The following ABCG1 variants were observed in gnomAD, a reference collection of about 807,000 sequenced individuals.
ABCG1 encodes the protein ATP binding cassette subfamily G member 1.
ABCG1 carries 29 observed loss-of-function variants against 69.2 expected under a neutral mutation model. The observed-to-expected ratio is 0.42, with a 90% CI of 0.31 to 0.57. The LOEUF (loss-of-function observed/expected upper bound fraction) is 0.57, where lower values mean the gene tolerates loss of function less well. Among genes scored for constraint, ABCG1 ranks in the 20% least tolerant of loss-of-function variants. ABCG1 has a pLI of 0.15. For missense variants in ABCG1, 718 were observed against 898.1 expected (o/e 0.80, Z 2.56); for synonymous variants, 370 against 374.8 (o/e 0.99, Z 0.15).
chr21:42,290,925 TG>T (rs2069045343), intron 11 of ABCG1, among the ~76,000 whole-genome samples, 166 bp from the exon 12 acceptor site: 1 of 152,156 alleles, frequency 6.6e-6, no homozygotes, highest in Non-Finnish European at 1.5e-5. Flanking sequence ...TGCAAACGGG[TG>T]GCGTTTTTCA....
rs957865372 is a variant in ABCG1, at chr21:42,261,174, G to A, written c.287-9896G>A. Among the ~76,000 whole-genome samples, 9 of 152,032 alleles carry A rather than the reference G, an allele frequency of 5.9e-5. No individual in the cohort carries two copies. The South Asian group carries it at 8.3e-4, about 14-fold the overall frequency. Reference sequence around the variant, plus strand: ...TCTTCTAGTACGGTGAGGTGGGGGCGGGTGCTCTTGTCCTCCTTCCCCCTC... The same window carrying A: ...TCTTCTAGTACGGTGAGGTGGGGGCAGGTGCTCTTGTCCTCCTTCCCCCTC... On this transcript the variant is annotated intron_variant, in intron 2 of 14. Transcript: ENST00000398449.
At chr21:42,275,870 G>A (rs1030348801) in intron 4 of ABCG1, among the ~76,000 whole-genome samples, 16 of 152,246 alleles carry the variant, frequency 1.1e-4, no homozygotes, top group African/African-American at 3.9e-4. Context: ...AGACACAGTT[G>A]TGCATGTTTA....
chr21:42,284,320 C>T lies in ABCG1; in HGVS notation c.735-240C>T, dbSNP rs551205619. On this transcript the variant is annotated intron_variant, in intron 6 of 14. Transcript: ENST00000398449. ...AGTCCTGGACTCTGGCAGCAAGGCTCGCTGGGGTCCCTCCGTTCTTACCAG... is the reference window on the plus strand; with the variant it reads ...AGTCCTGGACTCTGGCAGCAAGGCTTGCTGGGGTCCCTCCGTTCTTACCAG... Among the ~76,000 whole-genome samples the T allele has an allele frequency of 4.6e-3, 697 of 151,698 alleles. 7 individuals are homozygous for T. The highest frequency in any genetic ancestry group is 0.016 in the African/African-American group (656 of 40,986).
intron 5 of ABCG1, among the ~76,000 whole-genome samples, chr21:42,279,598 G>A (rs185805312): frequency 3.3e-5 from 5 of 152,310 alleles, no homozygotes; most frequent in Admixed American, 3.3e-4. Flanking sequence ...TTTCTTTAAG[G>A]TCTCTGAGCT....
chr21:42,235,778 A>G (rs1314152420), intron 2 of ABCG1, among the ~76,000 whole-genome samples: 1 of 152,136 alleles, frequency 6.6e-6, no homozygotes, highest in Non-Finnish European at 1.5e-5. Flanking sequence ...ATCAGACTTA[A>G]GGTCTGTGTT....
intron 2 of ABCG1, among the ~76,000 whole-genome samples, chr21:42,261,638 A>T (rs1177173591): frequency 6.6e-6 from 1 of 152,174 alleles, no homozygotes; most frequent in Non-Finnish European, 1.5e-5. Context: ...CTGGCTTGGA[A>T]GAGGAATGTC....
intron 2 of ABCG1, among the ~76,000 whole-genome samples, chr21:42,261,197 C>T (rs1391982101): frequency 6.6e-6 from 1 of 151,774 alleles, no homozygotes; most frequent in Non-Finnish European, 1.5e-5. Flanking sequence ...CTCCTTCCCC[C>T]TCTCCACCAC....
rs1006791334 is a variant in ABCG1, at chr21:42,296,087, T to G, written c.1773-77T>G. 4.0e-6 allele frequency: 5 copies of G among 1,259,822 alleles called. No individual in the cohort carries two copies. The highest frequency in any genetic ancestry group is 5.8e-6 in the Non-Finnish European group (5 of 863,952). The allele number at this position is 1,259,822 out of a possible 1,614,324, so 78.0% of individuals were successfully genotyped here. A position where few individuals can be genotyped will look rare whatever the true frequency, so the allele number is the denominator to read the frequency against. On this transcript the variant is annotated intron_variant, in intron 14 of 14. Coordinates refer to ENST00000398449, the MANE Select transcript of ABCG1 (RefSeq NM_016818.3). This position sits in a 1 kb window ranked among gnomAD's most constrained non-coding sequence, Gnocchi z 5.4. The stretch of plus-strand genomic sequence containing the variant: ...GCCAAGCTGGGAATCGCAGGGAGGG[T>G]GAACGACATTGACCTTCAGCCAACG...
rs141408992 is a variant in ABCG1, at chr21:42,223,956, C to G, written c.43-1715C>G. ...GCAGATGTTGCGTGGCAGCTGGCCT[C>G]CTGGGGTGGAGGTGGAGAGGACCCA... On this transcript the variant is annotated intron_variant, in intron 1 of 14. Transcript: ENST00000398449. 3.7e-4 allele frequency among the ~76,000 whole-genome samples: 56 copies of G among 152,258 alleles called. No homozygotes were observed. In the East Asian group the frequency reaches 0.011, roughly 29 times the overall value.
At chr21:42,248,485 C>T (rs1026259464) in intron 2 of ABCG1, among the ~76,000 whole-genome samples, 9 of 152,192 alleles carry the variant, frequency 5.9e-5, no homozygotes, top group African/African-American at 1.9e-4. Context: ...TGAAGATACG[C>T]ACCCTCTGTG....
rs752440795 is a variant in ABCG1, at chr21:42,276,938, G to A, written c.581G>A (p.Arg194Lys). Reference protein sequence around the residue: ...LKLQEKDEGRREMVKEILTAL... With the variant: ...LKLQEKDEGRKEMVKEILTAL... ...CTTCAGGAGAAGGATGAAGGCAGAAGGGAAATGGTAAGTGGGTTGTTTGGT... is the reference window on the plus strand; with the variant it reads ...CTTCAGGAGAAGGATGAAGGCAGAAAGGAAATGGTAAGTGGGTTGTTTGGT... The change falls in exon 5 of 15, where the codon AGG becomes AAG. Residue 194 changes from arginine (R) to lysine (K), a missense_variant. Physicochemically the swap from Arg to Lys is conservative, Grantham distance 26. Coordinates refer to ENST00000398449, the MANE Select transcript of ABCG1 (RefSeq NM_016818.3). This position sits in a 1 kb window ranked among gnomAD's most constrained non-coding sequence, Gnocchi z 5.3. 6.2e-7 allele frequency: 1 copy of A among 1,614,218 alleles called. No homozygotes were observed. The highest frequency in any genetic ancestry group is 1.1e-5 in the South Asian group (1 of 91,076).
intron 2 of ABCG1, among the ~76,000 whole-genome samples, chr21:42,260,444 G>C (rs1490511635): frequency 6.6e-6 from 1 of 152,144 alleles, no homozygotes; most frequent in African/African-American, 2.4e-5. Context: ...GATTTTGTTT[G>C]GGTTCTTTTG....
rs549072727 is a variant in ABCG1, at chr21:42,228,630, C to T, written c.286+2716C>T. ...CAATTTCTAGCTCTGTGCACTCCGA[C>T]ACAGTGGCCATGCCTTGTCTAGCAC... is the stretch of plus-strand genomic sequence containing the variant. On this transcript the variant is annotated intron_variant, in intron 2 of 14. Coordinates refer to ENST00000398449, the MANE Select transcript of ABCG1 (RefSeq NM_016818.3). 3.3e-5 allele frequency among the ~76,000 whole-genome samples: 5 copies of T among 152,348 alleles called. No individual in the cohort carries two copies. In the East Asian group the frequency reaches 5.8e-4, roughly 18 times the overall value.
intron 4 of ABCG1, among the ~76,000 whole-genome samples, chr21:42,274,028 G>A (rs910441364): frequency 2.0e-5 from 3 of 152,240 alleles, no homozygotes; most frequent in Non-Finnish European, 2.9e-5. Flanking sequence ...CAGGAGCCCA[G>A]GGTCACACGG....
Position 42,287,835 on chromosome 21 carries a change from G to A in ABCG1, c.974-54G>A, listed in dbSNP as rs2068972023. 2 of 1,498,914 alleles carry A rather than the reference G, an allele frequency of 1.3e-6. No individual in the cohort carries two copies. Among genetic ancestry groups the A allele is most frequent in the Non-Finnish European group, 8.9e-7 (1 of 1,118,352 alleles). 92.9% of individuals were successfully genotyped at this position (1,498,914 alleles called of 1,614,324 possible). On this transcript the variant is annotated intron_variant, in intron 8 of 14. Coordinates refer to ENST00000398449, the MANE Select transcript of ABCG1 (RefSeq NM_016818.3). This position sits in a 1 kb window ranked among gnomAD's most constrained non-coding sequence, Gnocchi z 6.2. ...TGAATAACGACTTTCGCATTTGGGT[G>A]GTTGGGGTGTCCTTCCTGGAGCCCG...
intron 3 of ABCG1, among the ~76,000 whole-genome samples, chr21:42,272,512 G>A (rs550440813): frequency 3.9e-5 from 6 of 152,246 alleles, no homozygotes; most frequent in South Asian, 2.1e-4. Context: ...ATTAGTCTCC[G>A]TAGATTCGCC....
At chr21:42,200,331 C>G (rs111979691) in intron 1 of ABCG1, among the ~76,000 whole-genome samples, 1 of 152,198 alleles carries the variant, frequency 6.6e-6, no homozygotes, top group East Asian at 1.9e-4. Context: ...TCCAGAGAAG[C>G]CTTTGGGTAC....
At chr21:42,251,183 C>G (rs2123647724) in intron 2 of ABCG1, among the ~76,000 whole-genome samples, 1 of 152,246 alleles carries the variant, frequency 6.6e-6, no homozygotes, top group East Asian at 1.9e-4. Context: ...TTTTGACTCT[C>G]CTGATGGTAA....
At chr21:42,232,976 C>T (rs2067922411) in intron 2 of ABCG1, among the ~76,000 whole-genome samples, 1 of 152,198 alleles carries the variant, frequency 6.6e-6, no homozygotes. Flanking sequence ...AGGGATTTGT[C>T]ATGGAGGTGC....
Sources: gnomAD v4.1 joint callset for allele counts (sites outside exome capture counted in the v4.1 genomes callset) on GRCh38, gnomAD v4.1.1 for gene constraint, Gnocchi (gnomAD v3.1) non-coding constraint, MANE v1.5 for transcripts, NCBI Gene and HGNC (gene_info 2026-07-23, HGNC 2026-07-21) for gene names.